Variants in MYCBP2 observed in about 807,000 individuals in gnomAD.
The protein encoded by MYCBP2 is E3 ubiquitin-protein ligase MYCBP2.
MYCBP2 carries 120 observed loss-of-function variants against 525.3 expected under a neutral mutation model. The ratio of observed to expected loss-of-function variants is 0.23; its 90% CI spans 0.20 to 0.27. The LOEUF (loss-of-function observed/expected upper bound fraction) is 0.27. Among genes scored for constraint, MYCBP2 ranks in the 10% least tolerant of loss-of-function variants. MYCBP2 has a pLI of 1.00. For synonymous variants in MYCBP2, 1,894 were observed against 1,955.8 expected (o/e 0.97, Z 0.83); for missense variants, 4,149 against 5,657.1 (o/e 0.73, Z 8.55).
chr13:77,286,789 A>AATATATATATATATATATATAT (rs1197559343), intron 3 of MYCBP2, among the ~76,000 whole-genome samples: 33 of 42,270 alleles, frequency 7.8e-4, no homozygotes, highest in African/African-American at 1.5e-3. Flanking sequence ...AAAAAAAAAA[A>AATATATATATATATATATATAT]ATATATATAT....
At chr13:77,079,090 A>G (rs1195858235) in intron 65 of MYCBP2, among the ~76,000 whole-genome samples, 1 of 152,040 alleles carries the variant, frequency 6.6e-6, no homozygotes, top group Admixed American at 6.6e-5. Context: ...CTTAAATTGC[A>G]CATTTCAGCC....
At chr13:77,254,816 A>C (rs1451345632) in intron 14 of MYCBP2, among the ~76,000 whole-genome samples, 1 of 151,716 alleles carries the variant, frequency 6.6e-6, no homozygotes, top group Non-Finnish European at 1.5e-5. Flanking sequence ...ATCTCCATGA[A>C]ATCAATTTTT....
rs139759478 is a variant in MYCBP2, at chr13:77,267,806, T to A, written c.1357+35A>T. The A allele has an allele frequency of 1.1e-3, 1,672 of 1,480,460 alleles. 5 individuals are homozygous for A. The highest frequency in any genetic ancestry group is 2.0e-3 in the Admixed American group (120 of 59,550). The allele number at this position is 1,480,460 out of a possible 1,614,324, so 91.7% of individuals were successfully genotyped here. A position where few individuals can be genotyped will look rare whatever the true frequency, so the allele number is the denominator to read the frequency against. The stretch of plus-strand genomic sequence containing the variant: ...GCTTAACATGCACATTTCTTAAAAT[T>A]GCTTGTGGAGAAAAAATGACTACTT... On this transcript the variant is annotated intron_variant, in intron 8 of 82. Transcript: ENST00000544440.
intron 26 of MYCBP2, among the ~76,000 whole-genome samples, chr13:77,197,612 A>G (rs1199609803): frequency 6.6e-6 from 1 of 152,156 alleles, no homozygotes; most frequent in African/African-American, 2.4e-5. Context: ...GCATATACGA[A>G]TATGTGAAGA....
At chr13:77,140,733 G>A (rs2054479423) in intron 50 of MYCBP2, 113 bp downstream of exon 50, 2 of 784,110 alleles carry the variant, frequency 2.6e-6, no homozygotes, top group Admixed American at 4.8e-5. Flanking sequence ...GGGATATTTA[G>A]AATTCAAGTC....
chr13:77,238,724 T>C (rs1332977322), intron 17 of MYCBP2, among the ~76,000 whole-genome samples: 1 of 152,256 alleles, frequency 6.6e-6, no homozygotes, highest in African/African-American at 2.4e-5. Context: ...AGTAATATCA[T>C]TGCTTTCTTG....
chr13:77,210,414 G>C (rs193143535), intron 23 of MYCBP2, among the ~76,000 whole-genome samples: 36 of 151,986 alleles, frequency 2.4e-4, no homozygotes, highest in Admixed American at 1.6e-3. Context: ...GGATGGTCTC[G>C]ATCTCCTGAC....
chr13:77,122,558 C>T (rs1049337010), intron 54 of MYCBP2, among the ~76,000 whole-genome samples: 1 of 151,422 alleles, frequency 6.6e-6, no homozygotes, highest in African/African-American at 2.4e-5. Flanking sequence ...GCGTGGTGGC[C>T]GGCGCCTGTA....
In MYCBP2 at chr13:77,270,280, T is replaced by C. The variant is rs1011388468; in HGVS notation, c.1188+16A>G. ...ATAACTCTGTATAATTAAGGAACTG[T>C]AAGGAATCACATTACCCTAACTGTT... On this transcript the variant is annotated intron_variant, in intron 6 of 82. Transcript: ENST00000544440. 6.3e-7 allele frequency: 1 copy of C among 1,597,146 alleles called. No homozygotes were observed. Among genetic ancestry groups the C allele is most frequent in the African/African-American group, 1.3e-5 (1 of 74,310 alleles).
chr13:77,149,979 T>C lies in MYCBP2; in HGVS notation c.7131+755A>G, dbSNP rs1009658849. Among the ~76,000 whole-genome samples the C allele has an allele frequency of 3.9e-5, 6 of 152,308 alleles. No homozygotes were observed. The East Asian group carries it at 5.8e-4, about 15-fold the overall frequency. ...CAATCGTTACAAAACACAAATCTAATCAAGCCATTCCTCTACCCAAAAGCC... is the reference window on the plus strand; with the variant it reads ...CAATCGTTACAAAACACAAATCTAACCAAGCCATTCCTCTACCCAAAAGCC... On this transcript the variant is annotated intron_variant, in intron 47 of 82. Transcript: ENST00000544440.
At position 77,058,117 on chromosome 13, in the gene MYCBP2, G is replaced by A; in HGVS notation, c.13329+101C>T. ...GGCCTCCCAAAGTGCTGGGATTACAGGCATGAGCCACTGCGCCCGGCCTCA... is the reference window on the plus strand; with the variant it reads ...GGCCTCCCAAAGTGCTGGGATTACAAGCATGAGCCACTGCGCCCGGCCTCA... On this transcript the variant is annotated intron_variant, in intron 78 of 82. Transcript: ENST00000544440. This position sits in a 1 kb window ranked among gnomAD's most constrained non-coding sequence, Gnocchi z 4.1. 2 of 1,334,178 alleles carry A rather than the reference G, an allele frequency of 1.5e-6. No individual in the cohort carries two copies. Among genetic ancestry groups the A allele is most frequent in the African/African-American group, 1.5e-5 (1 of 68,550 alleles). 82.6% of individuals were successfully genotyped at this position (1,334,178 alleles called of 1,614,324 possible).
At chr13:77,203,484 A>G (rs1254764954) in intron 26 of MYCBP2, among the ~76,000 whole-genome samples, 1 of 151,874 alleles carries the variant, frequency 6.6e-6, no homozygotes, top group Non-Finnish European at 1.5e-5. Flanking sequence ...GGTAATTTAC[A>G]GATTCAATGC....
intron 17 of MYCBP2, among the ~76,000 whole-genome samples, chr13:77,239,493 C>T (rs912256455): frequency 3.9e-5 from 6 of 152,104 alleles, no homozygotes; most frequent in Admixed American, 3.3e-4. Flanking sequence ...TTTCCAAGAC[C>T]CTTGACCCAT....
chr13:77,053,249 T>C (rs568249570), intron 80 of MYCBP2, among the ~76,000 whole-genome samples: 1 of 152,068 alleles, frequency 6.6e-6, no homozygotes, highest in African/African-American at 2.4e-5. Flanking sequence ...CTTGCATAAA[T>C]AGAATTTGAA....
intron 21 of MYCBP2, among the ~76,000 whole-genome samples, chr13:77,216,916 G>C (rs1408245605): frequency 6.6e-6 from 1 of 151,262 alleles, no homozygotes; most frequent in East Asian, 1.9e-4. Context: ...AAGGATTTGA[G>C]AAAAAAAAAT....
At chr13:77,101,798 T>C (rs555914915) in intron 55 of MYCBP2, among the ~76,000 whole-genome samples, 1 of 152,174 alleles carries the variant, frequency 6.6e-6, no homozygotes, top group East Asian at 1.9e-4. Context: ...TAAGCCCCTG[T>C]GCTAATTTAT....
At chr13:77,084,320 T>A (rs547579795) in intron 62 of MYCBP2, among the ~76,000 whole-genome samples, 1 of 152,212 alleles carries the variant, frequency 6.6e-6, no homozygotes, top group African/African-American at 2.4e-5. Flanking sequence ...TGTAAGCCCA[T>A]CAAACTTTTT....
intron 1 of MYCBP2, among the ~76,000 whole-genome samples, chr13:77,313,967 C>A (rs1455628476): frequency 3.3e-5 from 5 of 152,016 alleles, no homozygotes; most frequent in Non-Finnish European, 7.4e-5. Context: ...TACTACACAC[C>A]TATCAGAATG....
Position 77,206,685 on chromosome 13 carries a change from G to A in MYCBP2, c.3557C>T (p.Thr1186Ile), listed in dbSNP as rs758601035. The change falls in exon 24 of 83, where the codon ACT becomes ATT. Residue 1186 changes from threonine (T) to isoleucine (I), a missense_variant. Transcript: ENST00000544440. The part of the protein sequence containing the change: ...LALPTGSRAL[T>I]TRSHAALHIL... ...GTGCAAAGCTGCATGAGATCGGGTA[G>A]TGAGGGCCCTTGATCCTGTTGGTAA... 1 of 1,607,702 alleles carries A rather than the reference G, an allele frequency of 6.2e-7. No individual in the cohort carries two copies. Among genetic ancestry groups the A allele is most frequent in the Non-Finnish European group, 8.5e-7 (1 of 1,176,768 alleles).
Sources: allele counts gnomAD v4.1 joint callset (sites outside exome capture counted in the v4.1 genomes callset), GRCh38; gene constraint gnomAD v4.1.1; non-coding constraint Gnocchi (gnomAD v3.1); transcripts MANE v1.5; gene names NCBI Gene and HGNC (gene_info 2026-07-23, HGNC 2026-07-21).